IGF1R: variants seen among roughly 807,000 people sequenced by gnomAD.
IGF1R encodes insulin like growth factor 1 receptor.
A neutral mutation model predicts 144.6 loss-of-function variants in IGF1R; 44 were observed. The observed-to-expected ratio is 0.30, with a 90% CI of 0.24 to 0.39. IGF1R has a LOEUF of 0.39. Ranked by LOEUF, IGF1R falls within the 10% of genes least tolerant of loss-of-function variation. The pLI, the probability that IGF1R is intolerant of heterozygous loss-of-function variation, is 1.00. For synonymous variants in IGF1R, 795 were observed against 722.8 expected, an observed-to-expected ratio of 1.10 and a Z score of -1.60; for missense variants, 1,355 against 1,833.7, an observed-to-expected ratio of 0.74 and a Z score of 4.77.
chr15:98,667,743 A>T (rs953839469), intron 1 of IGF1R, among the ~76,000 whole-genome samples: 1 of 152,118 alleles, frequency 6.6e-6, no homozygotes, highest in Non-Finnish European at 1.5e-5. Flanking sequence ...TCTGAGACCA[A>T]TGGGAGGAAG....
At chr15:98,810,142 G>A (rs1447613024) in intron 2 of IGF1R, among the ~76,000 whole-genome samples, 3 of 150,436 alleles carry the variant, frequency 2.0e-5, no homozygotes, top group African/African-American at 4.9e-5. Context: ...TGGTGTGGGG[G>A]TGGCTGGCGG....
At chr15:98,819,146 GA>G (rs2056757222) in intron 2 of IGF1R, among the ~76,000 whole-genome samples, 1 of 151,852 alleles carries the variant, frequency 6.6e-6, no homozygotes, top group Non-Finnish European at 1.5e-5. Flanking sequence ...AGATGGAGTT[GA>G]ACACAGCAGT....
rs1408396222 is a variant in IGF1R, at chr15:98,959,972, T to TGTGTGTGTGTGTATGTGTGGG, written c.*2543_*2563dup. The TGTGTGTGTGTGTATGTGTGGG allele has an allele frequency of 1.7e-4, 2 of 11,570 alleles. No individual in the cohort carries two copies. Among genetic ancestry groups the TGTGTGTGTGTGTATGTGTGGG allele is most frequent in the Non-Finnish European group, 8.5e-4 (1 of 1,172 alleles). The allele number at this position is 11,570 out of a possible 1,614,324, so 0.7% of individuals were successfully genotyped here. A position where few individuals can be genotyped will look rare whatever the true frequency, so the allele number is the denominator to read the frequency against. The stretch of plus-strand genomic sequence containing the variant: ...ATGAATTTAAATTTCAAGGAAAGGG[T>TGTGTGTGTGTGTATGTGTGGG]GTGTGTGTGTGTATGTGTGGGGTGT... On this transcript the variant is annotated 3_prime_UTR_variant, in exon 21 of 21. Transcript: ENST00000650285.
chr15:98,844,433 C>T (rs1461292040), intron 2 of IGF1R, among the ~76,000 whole-genome samples: 1 of 152,090 alleles, frequency 6.6e-6, no homozygotes, highest in African/African-American at 2.4e-5. Flanking sequence ...CTGCTGACTC[C>T]CTGCCAAAAA....
chr15:98,924,169 A>G (rs540716270), intron 12 of IGF1R, among the ~76,000 whole-genome samples, 157 bp downstream of exon 12: 52 of 152,174 alleles, frequency 3.4e-4, no homozygotes, highest in Non-Finnish European at 7.2e-4. Flanking sequence ...CCCACTCTGT[A>G]CTCTCCAAGG....
In IGF1R at chr15:98,704,377, G is replaced by T. The variant is rs1333156582; in HGVS notation, c.95-3185G>T. Reference sequence around the variant, plus strand: ...CTAGAGAATGGGGCAGCCTCCTGAAGGAGCAGAAGCACTGTGGGCGGCAGG... The same window carrying T: ...CTAGAGAATGGGGCAGCCTCCTGAATGAGCAGAAGCACTGTGGGCGGCAGG... On this transcript the variant is annotated intron_variant, in intron 1 of 20. Transcript: ENST00000650285. The surrounding 1 kb of genome is among the most constrained non-coding windows in gnomAD (Gnocchi z 4.9). Among the ~76,000 whole-genome samples the T allele has an allele frequency of 6.6e-6, 1 of 152,110 alleles. No individual in the cohort carries two copies. Among genetic ancestry groups the T allele is most frequent in the Non-Finnish European group, 1.5e-5 (1 of 68,004 alleles).
chr15:98,818,619 G>T (rs1446674945), intron 2 of IGF1R, among the ~76,000 whole-genome samples: 2 of 152,038 alleles, frequency 1.3e-5, no homozygotes, highest in Non-Finnish European at 2.9e-5. Context: ...CCAGTGCCAG[G>T]TTTCTCAGCA....
chr15:98,788,281 G>A (rs2056053403), intron 2 of IGF1R, among the ~76,000 whole-genome samples: 1 of 152,114 alleles, frequency 6.6e-6, no homozygotes, highest in Admixed American at 6.5e-5. Flanking sequence ...TGTAGTTCTG[G>A]GATTCAGAGG....
Position 98,935,538 on chromosome 15 carries a change from C to T in IGF1R, c.3297+112C>T. 1 of 758,164 alleles carries T rather than the reference C, an allele frequency of 1.3e-6. No homozygotes were observed. Among genetic ancestry groups the T allele is most frequent in the Non-Finnish European group, 2.4e-6 (1 of 423,122 alleles). The allele number at this position is 758,164 out of a possible 1,614,324, so 47.0% of individuals were successfully genotyped here. A position where few individuals can be genotyped will look rare whatever the true frequency, so the allele number is the denominator to read the frequency against. On this transcript the variant is annotated intron_variant, in intron 17 of 20. Transcript: ENST00000650285. The surrounding 1 kb of genome is among the most constrained non-coding windows in gnomAD (Gnocchi z 4.2). ...TTAAATCAGTTTACTTTCCAGCATC[C>T]AGTGTTTCTTACTGCATGCTCAGTT...
chr15:98,686,503 T>C (rs1030445825), intron 1 of IGF1R, among the ~76,000 whole-genome samples: 2 of 152,214 alleles, frequency 1.3e-5, no homozygotes, highest in Admixed American at 6.5e-5. Flanking sequence ...CTGTTTTCCA[T>C]GTAGACTGCA....
chr15:98,767,304 T>G (rs45602436), intron 2 of IGF1R, among the ~76,000 whole-genome samples: 287 of 152,310 alleles, frequency 1.9e-3, no homozygotes, highest in South Asian at 0.012. Context: ...TCCATTCTTC[T>G]TTTCCAGGCA....
chr15:98,737,366 T>C (rs1026997554), intron 2 of IGF1R, among the ~76,000 whole-genome samples: 2 of 152,128 alleles, frequency 1.3e-5, no homozygotes, highest in East Asian at 3.9e-4. Context: ...AATGTGGAGA[T>C]TAGGAACCGA....
chr15:98,947,286 T>A (rs184174131), intron 19 of IGF1R, among the ~76,000 whole-genome samples: 1 of 152,370 alleles, frequency 6.6e-6, no homozygotes, highest in African/African-American at 2.4e-5. Flanking sequence ...TACAAAAATC[T>A]TTGATTCACC....
At chr15:98,702,331 A>C (rs1009268225) in intron 1 of IGF1R, among the ~76,000 whole-genome samples, 2 of 152,030 alleles carry the variant, frequency 1.3e-5, no homozygotes, top group Admixed American at 1.3e-4. Context: ...GAAAGACTTT[A>C]TTTTAAAATT....
chr15:98,817,384 GAAT>G (rs2056717419), intron 2 of IGF1R, among the ~76,000 whole-genome samples: 1 of 151,912 alleles, frequency 6.6e-6, no homozygotes, highest in Non-Finnish European at 1.5e-5. Flanking sequence ...ACAGTAAAGA[GAAT>G]AATAAGCTAG....
intron 2 of IGF1R, among the ~76,000 whole-genome samples, chr15:98,866,139 C>T (rs888276169): frequency 6.6e-6 from 1 of 152,228 alleles, no homozygotes; most frequent in Non-Finnish European, 1.5e-5. Context: ...CTCGGTCTTA[C>T]TGTTCCACGC....
intron 2 of IGF1R, among the ~76,000 whole-genome samples, chr15:98,784,204 G>C (rs1274519493): frequency 1.3e-5 from 2 of 151,622 alleles, no homozygotes; most frequent in African/African-American, 4.8e-5. Context: ...CAAAGTGCTG[G>C]GATTACAGGC....
At chr15:98,921,563 G>T in intron 10 of IGF1R, among the ~76,000 whole-genome samples, 1 of 152,114 alleles carries the variant, frequency 6.6e-6, no homozygotes, top group South Asian at 2.1e-4. Context: ...CTTGGGGTTG[G>T]GGGTGGGCTC....
chr15:98,697,285 C>A (rs1490486547), intron 1 of IGF1R, among the ~76,000 whole-genome samples: 1 of 152,192 alleles, frequency 6.6e-6, no homozygotes, highest in Non-Finnish European at 1.5e-5. Context: ...ATAGTGAGAA[C>A]CTGCCACTGT....
Sources: allele counts gnomAD v4.1 joint callset (sites outside exome capture counted in the v4.1 genomes callset), GRCh38; gene constraint gnomAD v4.1.1; non-coding constraint Gnocchi (gnomAD v3.1); transcripts MANE v1.5; gene names NCBI Gene and HGNC (gene_info 2026-07-23, HGNC 2026-07-21).